The following KCNJ15 variants were observed in gnomAD, a reference collection of about 807,000 sequenced individuals.
The protein encoded by KCNJ15 is potassium inwardly rectifying channel subfamily J member 15.
Under a neutral mutation model 23.0 loss-of-function variants are expected in KCNJ15, and 14 were observed. The ratio of observed to expected loss-of-function variants is 0.61; its 90% CI spans 0.40 to 0.95. The LOEUF is 0.95. Ranked by LOEUF, KCNJ15 falls within the 40% of genes least tolerant of loss-of-function variation. KCNJ15 has a pLI of 0.00. For missense variants in KCNJ15, 388 were observed against 461.8 expected (o/e 0.84, Z 1.46); for synonymous variants, 185 against 183.2 (o/e 1.01, Z -0.08).
chr21:38,274,331 A>G (rs1185806373), intron 1 of KCNJ15, among the ~76,000 whole-genome samples: 1 of 152,138 alleles, frequency 6.6e-6, no homozygotes, highest in Non-Finnish European at 1.5e-5. Context: ...TCTTACACCA[A>G]AGTGCCATAC....
chr21:38,268,036 G>A (rs536198839), intron 1 of KCNJ15, among the ~76,000 whole-genome samples: 5 of 152,240 alleles, frequency 3.3e-5, no homozygotes, highest in South Asian at 2.1e-4. Context: ...TGAGCAACCC[G>A]CTTCAGTTTT....
At chr21:38,234,331 T>C (rs1978458911) in intron 1 of KCNJ15, among the ~76,000 whole-genome samples, 1 of 152,228 alleles carries the variant, frequency 6.6e-6, no homozygotes, top group Non-Finnish European at 1.5e-5. Context: ...AAGACAATTC[T>C]TCTTCTTCCA....
intron 1 of KCNJ15, among the ~76,000 whole-genome samples, chr21:38,230,702 G>A (rs1988709021): frequency 6.6e-6 from 1 of 151,882 alleles, no homozygotes; most frequent in African/African-American, 2.4e-5. Context: ...TTAATATAAT[G>A]TCCTTAGTGA....
intron 1 of KCNJ15, among the ~76,000 whole-genome samples, chr21:38,239,891 C>T (rs1375839431): frequency 6.6e-6 from 1 of 152,202 alleles, no homozygotes; most frequent in Admixed American, 6.5e-5. Context: ...AGATGTTTGG[C>T]TCAAGTTTCC....
At chr21:38,243,359 G>A (rs1021585840) in intron 1 of KCNJ15, among the ~76,000 whole-genome samples, 4 of 152,110 alleles carry the variant, frequency 2.6e-5, no homozygotes, top group Admixed American at 6.5e-5. Flanking sequence ...GTATTTTATA[G>A]TATTTGATCT....
At chr21:38,287,881 C>A (rs1186673673) in intron 1 of KCNJ15, among the ~76,000 whole-genome samples, 2 of 152,088 alleles carry the variant, frequency 1.3e-5, no homozygotes, top group Non-Finnish European at 2.9e-5. Context: ...TACTACCAGT[C>A]TTTAAAGCAA....
At chr21:38,240,049 T>G (rs1292827031) in intron 1 of KCNJ15, among the ~76,000 whole-genome samples, 1 of 152,232 alleles carries the variant, frequency 6.6e-6, no homozygotes, top group African/African-American at 2.4e-5. Flanking sequence ...GCCCTATTTT[T>G]TCTCCATGAA....
At position 38,300,269 on chromosome 21, in the gene KCNJ15, C is replaced by T; in HGVS notation, c.1008C>T (p.Ser336=). 2 of 1,614,096 alleles carry T rather than the reference C, an allele frequency of 1.2e-6. No individual in the cohort carries two copies. Among genetic ancestry groups the T allele is most frequent in the Non-Finnish European group, 1.7e-6 (2 of 1,180,010 alleles). Residue 336 remains serine (S), a synonymous_variant, in exon 3 of 3, where the codon AGC becomes AGT. Transcript: ENST00000398938. ...GTCAGTTTGAACAGATTCGGAAAAGCCCAGATTGCACATTTTACTGTGCAG... is the reference window on the plus strand; with the variant it reads ...GTCAGTTTGAACAGATTCGGAAAAGTCCAGATTGCACATTTTACTGTGCAG... ...DFSQFEQIRK[S]PDCTFYCADS...
At position 38,230,843 on chromosome 21, in the gene KCNJ15, T is replaced by C. The variant is rs536643799; in HGVS notation, c.-398-26203T>C. Among the ~76,000 whole-genome samples the C allele has an allele frequency of 1.1e-4, 16 of 152,238 alleles. No homozygotes were observed. In the East Asian group the frequency reaches 3.1e-3, roughly 29 times the overall value. On this transcript the variant is annotated intron_variant, in intron 1 of 4. Coordinates refer to the KCNJ15 transcript ENST00000547341. ...TTTATTGTAGCTTTGAAATAAGTTT[T>C]GAAATCAGTGTGAGATCTTCAATTT...
intron 1 of KCNJ15, among the ~76,000 whole-genome samples, chr21:38,269,980 G>C (rs987389339): frequency 6.6e-6 from 1 of 152,034 alleles, no homozygotes; most frequent in Non-Finnish European, 1.5e-5. Flanking sequence ...CCCCAGCAAG[G>C]CCCCCCGCCC....
intron 1 of KCNJ15, among the ~76,000 whole-genome samples, chr21:38,233,961 G>T (rs1015907089): frequency 6.6e-6 from 1 of 152,010 alleles, no homozygotes; most frequent in African/African-American, 2.4e-5. Context: ...AGAGAAATAC[G>T]TATTTGTAGA....
rs149194661 is a variant in KCNJ15, at chr21:38,294,972, C to T, written c.-116-1954C>T. Among the ~76,000 whole-genome samples, 483 of 152,240 alleles carry T rather than the reference C, an allele frequency of 3.2e-3. 5 individuals carry two copies. Among genetic ancestry groups the T allele is most frequent in the African/African-American group, 0.011 (458 of 41,536 alleles). ...CAACCCACAAACTGAAACGATATAA[C>T]AAAAACTGCAGAAATAAACATTATT... On this transcript the variant is annotated intron_variant, in intron 1 of 2. Coordinates refer to ENST00000398938, the MANE Select transcript of KCNJ15 (RefSeq NM_170736.3).
chr21:38,259,182 A>C (rs1394655840), intron 1 of KCNJ15, among the ~76,000 whole-genome samples: 4 of 152,180 alleles, frequency 2.6e-5, no homozygotes. Flanking sequence ...TTTCCTGTGC[A>C]ATCCCCTCTC....
At chr21:38,283,985 G>A (rs750214222) in intron 1 of KCNJ15, among the ~76,000 whole-genome samples, 1 of 152,154 alleles carries the variant, frequency 6.6e-6, no homozygotes, top group Non-Finnish European at 1.5e-5. Flanking sequence ...CTGTCTAAGG[G>A]GGAAGCTCCT....
At chr21:38,237,243 C>T (rs536710461) in intron 1 of KCNJ15, 3 of 152,296 alleles carry the variant, frequency 2.0e-5, no homozygotes, top group African/African-American at 7.2e-5. Context: ...TTATTGCTTA[C>T]ATAATGATCC....
chr21:38,277,416 T>G (rs970146354), intron 1 of KCNJ15, among the ~76,000 whole-genome samples: 2 of 152,184 alleles, frequency 1.3e-5, no homozygotes, highest in Non-Finnish European at 2.9e-5. Context: ...GCGAGTCAAA[T>G]TAAATGAATG....
intron 1 of KCNJ15, among the ~76,000 whole-genome samples, chr21:38,289,341 G>A (rs147188578): frequency 9.1e-4 from 138 of 152,152 alleles, no homozygotes; most frequent in Admixed American, 2.3e-3. Context: ...AAATGGTACT[G>A]TTTTGAGCCA....
chr21:38,247,551 TGGATGGA>T (rs1446032468), intron 1 of KCNJ15, among the ~76,000 whole-genome samples: 4 of 151,774 alleles, frequency 2.6e-5, no homozygotes, highest in South Asian at 2.1e-4. Flanking sequence ...GATGGATGGA[TGGATGGA>T]TGGATGGATG....
chr21:38,267,644 T>G (rs1981602450), intron 1 of KCNJ15, among the ~76,000 whole-genome samples: 1 of 150,904 alleles, frequency 6.6e-6, no homozygotes, highest in Non-Finnish European at 1.5e-5. Flanking sequence ...ATGGAGGGAG[T>G]TGAAGGGAAG....
Sources: gnomAD v4.1 joint callset for allele counts (sites outside exome capture counted in the v4.1 genomes callset) on GRCh38, gnomAD v4.1.1 for gene constraint, MANE v1.5 for transcripts, NCBI Gene and HGNC (gene_info 2026-07-23, HGNC 2026-07-21) for gene names.